The following TMEM74 variants were observed in gnomAD, a reference collection of about 807,000 sequenced individuals.
TMEM74 encodes transmembrane protein 74.
TMEM74 carries 13 observed loss-of-function variants against 18.1 expected under a neutral mutation model. The ratio of observed to expected loss-of-function variants is 0.72; its 90% CI spans 0.47 to 1.14. TMEM74 has a LOEUF of 1.14. Ranked by LOEUF, TMEM74 falls within the 50% of genes most tolerant of loss-of-function variation. The probability of loss-of-function intolerance (pLI) is 0.00; values close to 1 mark genes in which losing one functional copy is unlikely to be tolerated. For synonymous variants in TMEM74, 159 were observed against 146.6 expected (o/e 1.08, Z -0.61); for missense variants, 372 against 375.9 (o/e 0.99, Z 0.09).
chr8:108,766,347 A>G (rs1449920029), intron 1 of TMEM74, among the ~76,000 whole-genome samples: 1 of 152,102 alleles, frequency 6.6e-6, no homozygotes, highest in Non-Finnish European at 1.5e-5. Context: ...GGCAATAAAG[A>G]GTTTGCTTTT....
chr8:108,724,729 C>T (rs1190043302), intron 1 of TMEM74, among the ~76,000 whole-genome samples: 1 of 152,108 alleles, frequency 6.6e-6, no homozygotes, highest in African/African-American at 2.4e-5. Flanking sequence ...ATCTTAGGTA[C>T]AGAGAGAAAG....
At chr8:108,677,165 A>G (rs1813063170) in intron 1 of TMEM74, among the ~76,000 whole-genome samples, 1 of 152,174 alleles carries the variant, frequency 6.6e-6, no homozygotes, top group Non-Finnish European at 1.5e-5. Flanking sequence ...ACGTGAATAC[A>G]GTTTCTGGGA....
intron 2 of TMEM74, among the ~76,000 whole-genome samples, chr8:108,643,493 C>T (rs1372291502): frequency 6.6e-6 from 1 of 152,038 alleles, no homozygotes; most frequent in East Asian, 1.9e-4. Flanking sequence ...TGATCTTTAG[C>T]AATTTTTTGC....
intron 2 of TMEM74, among the ~76,000 whole-genome samples, chr8:108,633,560 ACT>A (rs1812576460): frequency 6.6e-6 from 1 of 151,942 alleles, no homozygotes; most frequent in Non-Finnish European, 1.5e-5. Context: ...GGAAATTGAG[ACT>A]CTGAGATATT....
chr8:108,735,287 TCAC>T lies in TMEM74; in HGVS notation n.119+52186_119+52188del, dbSNP rs565192386. 3.4e-3 allele frequency among the ~76,000 whole-genome samples: 523 copies of T among 152,292 alleles called. 2 individuals carry two copies. Among genetic ancestry groups the T allele is most frequent in the African/African-American group, 0.012 (479 of 41,566 alleles). On this transcript the variant is annotated intron_variant and non_coding_transcript_variant, in intron 1 of 3. Coordinates refer to the TMEM74 transcript ENST00000518838. The stretch of plus-strand genomic sequence containing the variant: ...ATATATTCTCAGATATGTGAAACCA[TCAC>T]CACAACCATTTTGGAGAATTTTCAT...
intron 1 of TMEM74, among the ~76,000 whole-genome samples, chr8:108,684,822 GTTATGGTTAC>G (rs1813152486): frequency 6.6e-6 from 1 of 151,622 alleles, no homozygotes; most frequent in Admixed American, 6.6e-5. Context: ...GTACCATGCT[GTTATGGTTAC>G]TACAGCTTTG....
intron 1 of TMEM74, among the ~76,000 whole-genome samples, chr8:108,722,095 T>C (rs924205580): frequency 6.6e-6 from 1 of 152,236 alleles, no homozygotes; most frequent in African/African-American, 2.4e-5. Flanking sequence ...GTTTTAGATC[T>C]TACATTTAAG....
chr8:108,668,622 T>G (rs905012114), intron 1 of TMEM74, among the ~76,000 whole-genome samples: 3 of 152,130 alleles, frequency 2.0e-5, no homozygotes, highest in African/African-American at 7.2e-5. Context: ...TATTTTAAGG[T>G]CAAAGCACAC....
intron 1 of TMEM74, among the ~76,000 whole-genome samples, chr8:108,760,365 G>A (rs536040758): frequency 1.6e-4 from 24 of 152,220 alleles, no homozygotes; most frequent in Admixed American, 8.5e-4. Flanking sequence ...AAAGCCAAGT[G>A]CACCAGGGTA....
intron 1 of TMEM74, among the ~76,000 whole-genome samples, chr8:108,663,830 G>A (rs1187119999): frequency 6.6e-6 from 1 of 152,150 alleles, no homozygotes; most frequent in African/African-American, 2.4e-5. Context: ...GCAGTTGGAA[G>A]CCATTATCTT....
intron 1 of TMEM74, among the ~76,000 whole-genome samples, chr8:108,713,218 T>C (rs981072924): frequency 6.6e-6 from 1 of 152,090 alleles, no homozygotes; most frequent in Admixed American, 6.6e-5. Context: ...TGAAATAGCA[T>C]ATAAGAAGAT....
intron 1 of TMEM74, among the ~76,000 whole-genome samples, chr8:108,748,986 A>C (rs1294988913): frequency 6.6e-6 from 1 of 151,906 alleles, no homozygotes; most frequent in Admixed American, 6.6e-5. Flanking sequence ...GTGGTGCCAG[A>C]TGTGTTTTGT....
At chr8:108,760,187 GGA>G (rs1181537099) in intron 1 of TMEM74, among the ~76,000 whole-genome samples, 5 of 144,488 alleles carry the variant, frequency 3.5e-5, no homozygotes, top group East Asian at 4.1e-4. Flanking sequence ...AGAGAGAGAG[GGA>G]GAGAGAGAGA....
chr8:108,713,912 T>C (rs1813498178), intron 1 of TMEM74, among the ~76,000 whole-genome samples: 1 of 152,184 alleles, frequency 6.6e-6, no homozygotes, highest in Non-Finnish European at 1.5e-5. Flanking sequence ...AGGGGGCCAC[T>C]GGTGTAAGTC....
At chr8:108,611,841 T>C (rs1812337502) in intron 2 of TMEM74, among the ~76,000 whole-genome samples, 1 of 152,220 alleles carries the variant, frequency 6.6e-6, no homozygotes, top group Non-Finnish European at 1.5e-5. Flanking sequence ...CACACTGCTA[T>C]GAAGAAATAC....
chr8:108,756,702 AGGAAAGAAAGAAAGAAAG>A (rs1228494764), intron 1 of TMEM74, among the ~76,000 whole-genome samples: 8 of 119,606 alleles, frequency 6.7e-5, no homozygotes, highest in African/African-American at 2.7e-4. Context: ...GAAAGAAGGA[AGGAAAGAAAGAAAGAAAG>A]AGAAAGAAAG....
At chr8:108,643,384 A>G (rs1431880183) in intron 2 of TMEM74, among the ~76,000 whole-genome samples, 1 of 152,196 alleles carries the variant, frequency 6.6e-6, no homozygotes, top group East Asian at 1.9e-4. Context: ...TAAACTCTGC[A>G]ATCTCATTAT....
chr8:108,778,972 A>C (rs992216829), downstream of TMEM74, among the ~76,000 whole-genome samples: 2 of 152,182 alleles, frequency 1.3e-5, no homozygotes, highest in African/African-American at 4.8e-5. Context: ...GACAAACCTA[A>C]ATTAGGGGTA....
At position 108,782,950 on chromosome 8, in the gene TMEM74, C is replaced by T. The variant is rs1306233357; in HGVS notation, c.*1231G>A. 6.6e-6 allele frequency among the ~76,000 whole-genome samples: 1 copy of T among 152,212 alleles called. No individual in the cohort carries two copies. The highest frequency in any genetic ancestry group is 1.5e-5 in the Non-Finnish European group (1 of 68,038). On this transcript the variant is annotated 3_prime_UTR_variant, in exon 2 of 2. Coordinates refer to ENST00000297459, the MANE Select transcript of TMEM74 (RefSeq NM_153015.3). ...AGTGTGTGTCTTGCAAAGTGAGCAC[C>T]TTGCTCATCATGCTGCTCTTAGAGA...
Sources: allele counts gnomAD v4.1 joint callset (sites outside exome capture counted in the v4.1 genomes callset), GRCh38; gene constraint gnomAD v4.1.1; transcripts MANE v1.5; gene names NCBI Gene and HGNC (gene_info 2026-07-23, HGNC 2026-07-21).